Variants in CSMD2 observed in about 807,000 individuals in gnomAD.
The protein encoded by CSMD2 is CUB and Sushi multiple domains 2, also known as CUB and sushi domain-containing protein 2.
CSMD2 carries 130 observed loss-of-function variants against 398.5 expected under a neutral mutation model. That is an observed-to-expected ratio of 0.33 (90% CI 0.28 to 0.38). The LOEUF (loss-of-function observed/expected upper bound fraction) is 0.38, where lower values mean the gene tolerates loss of function less well. Among genes scored for constraint, CSMD2 ranks in the 10% least tolerant of loss-of-function variants. The probability of loss-of-function intolerance (pLI) is 1.00; values close to 1 mark genes in which losing one functional copy is unlikely to be tolerated. For missense variants in CSMD2, 3,829 were observed against 4,764.9 expected, an observed-to-expected ratio of 0.80 and a Z score of 5.78; for synonymous variants, 1,828 against 1,908.5, an observed-to-expected ratio of 0.96 and a Z score of 1.10.
chr1:33,831,230 T>A (rs1447307790), intron 6 of CSMD2, among the ~76,000 whole-genome samples: 2 of 151,612 alleles, frequency 1.3e-5, no homozygotes, highest in Non-Finnish European at 2.9e-5. Context: ...AAAGTTGAAA[T>A]GAAGGAAAAA....
rs1263661712 is a variant in CSMD2, at chr1:33,830,851, C to A, written c.1034-5077G>T. Among the ~76,000 whole-genome samples the A allele has an allele frequency of 5.3e-5, 8 of 152,254 alleles. No individual in the cohort carries two copies. The Middle Eastern group carries it at 0.01, about 194-fold the overall frequency. On this transcript the variant is annotated intron_variant, in intron 6 of 70. Transcript: ENST00000373381. ...GGAGCTGAAAGCCAAGGCTCGAGAA[C>A]TACGTGAAGAGTGCAGAAGCCTCAG...
intron 5 of CSMD2, among the ~76,000 whole-genome samples, chr1:33,907,462 G>C (rs1643170054): frequency 6.6e-6 from 1 of 152,076 alleles, no homozygotes; most frequent in South Asian, 2.1e-4. Context: ...GATTTCAGGA[G>C]GAGGCTGGAG....
In CSMD2 at chr1:33,714,747, G is replaced by A. The variant is rs370057224; in HGVS notation, c.3246C>T (p.Pro1082=). 20 of 1,614,124 alleles carry A rather than the reference G, an allele frequency of 1.2e-5. No homozygotes were observed. The highest frequency in any genetic ancestry group is 1.7e-5 in the Admixed American group (1 of 60,032). The change falls in exon 21 of 71, where the codon CCC becomes CCT. Residue 1082 remains proline, a synonymous_variant. Coordinates refer to ENST00000373381, the MANE Select transcript of CSMD2 (RefSeq NM_001281956.2). ...SEYDLEPCEE[P]EVPAYSIRKG... ...TCCGGATGCTGTAGGCTGGGACCTCGGGCTCCTCACAGGGCTCCAAGTCGT... is the reference window on the plus strand; with the variant it reads ...TCCGGATGCTGTAGGCTGGGACCTCAGGCTCCTCACAGGGCTCCAAGTCGT...
rs751913202 is a variant in CSMD2 at position 33,714,625 on chromosome 1, C to T, written c.3368G>A (p.Arg1123Lys). ...CAGAGGCGAGCTCCACAGGCGCCGT[C>T]TGCCCCCCAGGCACGTGATGCGGGC... The part of the protein sequence containing the change: ...GTARITCLGG[R>K]RRLWSSPLPR... Residue 1123 changes from arginine (R) to lysine (K), a missense_variant, in exon 21 of 71, where the codon AGA (arginine) becomes AAA (lysine). Physicochemically the swap from Arg to Lys is conservative, Grantham distance 26 (BLOSUM62 2). This residue lies in a region of CSMD2 where 2,001 missense variants were observed against 2,567.1 expected (regional missense o/e 0.78). Coordinates refer to ENST00000373381, the MANE Select transcript of CSMD2 (RefSeq NM_001281956.2). 6 of 1,613,860 alleles carry T rather than the reference C, an allele frequency of 3.7e-6. No individual in the cohort carries two copies. Among genetic ancestry groups the T allele is most frequent in the Non-Finnish European group, 5.1e-6 (6 of 1,180,050 alleles).
At chr1:33,658,662 G>A (rs1405842691) in intron 26 of CSMD2, among the ~76,000 whole-genome samples, 2 of 152,142 alleles carry the variant, frequency 1.3e-5, no homozygotes, top group African/African-American at 4.8e-5. Context: ...AGGAGCTCGA[G>A]ACCAGCCTGA....
chr1:33,864,574 G>C (rs1412878474), intron 5 of CSMD2: 1 of 1,614,094 alleles, frequency 6.2e-7, no homozygotes, highest in South Asian at 1.1e-5. Flanking sequence ...AAGGCCACAG[G>C]GAAGATGTGG....
At chr1:34,099,910 G>A (rs1180918523) in intron 1 of CSMD2, among the ~76,000 whole-genome samples, 1 of 152,218 alleles carries the variant, frequency 6.6e-6, no homozygotes, top group Non-Finnish European at 1.5e-5. Flanking sequence ...TGGCAAGGTG[G>A]AAAGAGGGCA....
intron 1 of CSMD2, among the ~76,000 whole-genome samples, chr1:34,138,148 T>G (rs1011713727): frequency 6.6e-6 from 1 of 152,234 alleles, no homozygotes; most frequent in Non-Finnish European, 1.5e-5. Context: ...GCTTTCTATT[T>G]ATTTAAAAGA....
intron 28 of CSMD2, among the ~76,000 whole-genome samples, chr1:33,650,284 A>T (rs1341044082): frequency 6.6e-6 from 1 of 152,160 alleles, no homozygotes; most frequent in Non-Finnish European, 1.5e-5. Context: ...TCAACAACAA[A>T]ATAATGTATG....
rs575981079 is a variant in CSMD2, at chr1:34,160,383, T to C, written c.187+4528A>G. Among the ~76,000 whole-genome samples, 10 of 152,254 alleles carry C rather than the reference T, an allele frequency of 6.6e-5. No homozygotes were observed. In the East Asian group the frequency reaches 1.9e-3, roughly 29 times the overall value. On this transcript the variant is annotated intron_variant, in intron 1 of 70. Transcript: ENST00000373381. ...TGAAACGCCTTTCCTTGGCTCAGGGTTGGAGGAGAGTGGTATGCCAAGGGC... is the reference window on the plus strand; with the variant it reads ...TGAAACGCCTTTCCTTGGCTCAGGGCTGGAGGAGAGTGGTATGCCAAGGGC...
In CSMD2 at chr1:33,636,492, C is replaced by G; in HGVS notation, c.4837G>C (p.Asp1613His). Residue 1613 changes from aspartate to histidine, a missense_variant, in exon 30 of 71, where the codon GAC becomes CAC. Asp to His is a moderately conservative substitution (Grantham distance 81). Transcript: ENST00000373381. This position sits in a 1 kb window ranked among gnomAD's most constrained non-coding sequence, Gnocchi z 4.8. ...GTGACGGAGGAGCCCAGCTTCAGGT[C>G]GGACCCCACCCGTGTGCCGTTCTTG... ...SIKNGTRVGS[D>H]LKLGSSVTYY... The G allele has an allele frequency of 6.2e-7, 1 of 1,614,154 alleles. No individual in the cohort carries two copies. The highest frequency in any genetic ancestry group is 8.5e-7 in the Non-Finnish European group (1 of 1,180,028).
Position 33,906,154 on chromosome 1 carries a change from C to A in CSMD2, c.920+11940G>T, listed in dbSNP as rs116722967. ...GTCCATCACAAATCTGTAACATGAG[C>A]AAGAAGGAAATCTTTGTGGTGTTAT... On this transcript the variant is annotated intron_variant, in intron 5 of 70. Coordinates refer to ENST00000373381, the MANE Select transcript of CSMD2 (RefSeq NM_001281956.2). 2.5e-3 allele frequency among the ~76,000 whole-genome samples: 385 copies of A among 152,236 alleles called. 3 individuals are homozygous for A. Among genetic ancestry groups the A allele is most frequent in the African/African-American group, 8.9e-3 (370 of 41,522 alleles).
At chr1:33,957,769 A>T (rs1570627302) in intron 3 of CSMD2, among the ~76,000 whole-genome samples, 1 of 152,302 alleles carries the variant, frequency 6.6e-6, no homozygotes, top group East Asian at 1.9e-4. Context: ...CTGAAGACCG[A>T]CAGCACCATG....
Position 33,698,839 on chromosome 1 carries a change from G to C in CSMD2, c.3839C>G (p.Pro1280Arg). Residue 1280 changes from proline to arginine, a missense_variant, in exon 24 of 71, where the codon CCT becomes CGT. By Grantham distance (103) the Pro-to-Arg change is moderately radical. Transcript: ENST00000373381. Reference protein sequence around the residue: ...AGSSVSFSCDPGYSLRGSEEL... With the variant: ...AGSSVSFSCDRGYSLRGSEEL... ...CTCACTACCCCGCAGGCTGTATCCA[G>C]GGTCACAGCTGAAGGACACGGAGCT... The C allele has an allele frequency of 6.2e-7, 1 of 1,614,226 alleles. No individual in the cohort carries two copies. The highest frequency in any genetic ancestry group is 8.5e-7 in the Non-Finnish European group (1 of 1,180,034).
At chr1:33,791,642 C>G (rs904411104) in intron 11 of CSMD2, among the ~76,000 whole-genome samples, 2 of 152,174 alleles carry the variant, frequency 1.3e-5, no homozygotes, top group Non-Finnish European at 2.9e-5. Flanking sequence ...CGTGCACCAC[C>G]ACATCCAGCT....
chr1:33,708,591 C>CTTA (rs59695412), intron 22 of CSMD2, among the ~76,000 whole-genome samples: 3,406 of 141,040 alleles, frequency 0.024, 57 homozygotes, highest in African/African-American at 0.042. Context: ...TCCAACCGAA[C>CTTA]TTATTATTAT....
intron 3 of CSMD2, among the ~76,000 whole-genome samples, chr1:33,943,903 T>C (rs1276085847): frequency 6.8e-6 from 1 of 146,044 alleles, no homozygotes; most frequent in East Asian, 2.0e-4. Flanking sequence ...TAATAAAATA[T>C]ATATTATATA....
chr1:34,041,663 G>C (rs1011167968), intron 2 of CSMD2, among the ~76,000 whole-genome samples: 22 of 152,142 alleles, frequency 1.4e-4, no homozygotes, highest in African/African-American at 5.3e-4. Context: ...CCCTCACCCT[G>C]TGGGGTGAGG....
At chr1:33,832,999 G>A (rs1336846325) in intron 6 of CSMD2, among the ~76,000 whole-genome samples, 11 of 150,496 alleles carry the variant, frequency 7.3e-5, no homozygotes, top group Non-Finnish European at 1.3e-4. Flanking sequence ...TGAAATTGTG[G>A]CAATAATCAA....
Sources: gnomAD v4.1 joint callset for allele counts (sites outside exome capture counted in the v4.1 genomes callset) on GRCh38, gnomAD v4.1.1 for gene constraint, gnomAD v4.1.1 regional missense constraint, Gnocchi (gnomAD v3.1) non-coding constraint, MANE v1.5 for transcripts, NCBI Gene and HGNC (gene_info 2026-07-23, HGNC 2026-07-21) for gene names.